Variants in NALF1 observed in about 807,000 individuals in gnomAD.
NALF1 encodes the protein NALCN channel auxiliary factor 1.
NALF1 carries 3 observed loss-of-function variants against 48.4 expected under a neutral mutation model. That is an observed-to-expected ratio of 0.06 (90% CI 0.03 to 0.16). The LOEUF (loss-of-function observed/expected upper bound fraction) is 0.16, where lower values mean the gene tolerates loss of function less well. Among genes scored for constraint, NALF1 ranks in the 10% least tolerant of loss-of-function variants. The pLI is 1.00. For synonymous variants in NALF1, 262 were observed against 245.7 expected (o/e 1.07, Z -0.62); for missense variants, 526 against 571.5 (o/e 0.92, Z 0.81).
At chr13:107,406,283 G>A (rs1191831569) in intron 1 of NALF1, among the ~76,000 whole-genome samples, 2 of 152,008 alleles carry the variant, frequency 1.3e-5, no homozygotes, top group African/African-American at 4.8e-5. Flanking sequence ...CCAATCAAAA[G>A]ACATCAAGTG....
At chr13:107,220,509 C>G (rs1299416409) in intron 1 of NALF1, among the ~76,000 whole-genome samples, 1 of 152,182 alleles carries the variant, frequency 6.6e-6, no homozygotes, top group Admixed American at 6.5e-5. Flanking sequence ...TACCATGAAA[C>G]AGAGGACTGG....
chr13:107,544,216 T>G (rs1197471737), intron 1 of NALF1, among the ~76,000 whole-genome samples: 1 of 152,156 alleles, frequency 6.6e-6, no homozygotes, highest in Non-Finnish European at 1.5e-5. Flanking sequence ...AGAGGTGGGC[T>G]GATGCATGCT....
At chr13:107,822,889 A>T (rs1879398663) in intron 1 of NALF1, among the ~76,000 whole-genome samples, 1 of 152,172 alleles carries the variant, frequency 6.6e-6, no homozygotes, top group Admixed American at 6.5e-5. Context: ...TTAAACCAAA[A>T]ATTCATGGGG....
chr13:107,543,249 G>C (rs1003404228), intron 1 of NALF1, among the ~76,000 whole-genome samples: 1 of 152,042 alleles, frequency 6.6e-6, no homozygotes, highest in Admixed American at 6.6e-5. Context: ...GGTATGTTTA[G>C]CATGGAAACT....
chr13:107,767,933 G>A (rs899033603), intron 1 of NALF1, among the ~76,000 whole-genome samples: 3 of 152,108 alleles, frequency 2.0e-5, no homozygotes, highest in South Asian at 2.1e-4. Flanking sequence ...GTAGAGACAC[G>A]TTGAGAAAGT....
chr13:107,719,839 G>A (rs1340983826), intron 1 of NALF1, among the ~76,000 whole-genome samples: 11 of 152,018 alleles, frequency 7.2e-5, no homozygotes, highest in Admixed American at 7.2e-4. Flanking sequence ...CAGTCTAATG[G>A]GTGCTCCTGG....
chr13:107,533,178 T>A (rs1317562815), intron 1 of NALF1, among the ~76,000 whole-genome samples: 2 of 152,148 alleles, frequency 1.3e-5, no homozygotes, highest in African/African-American at 4.8e-5. Context: ...TTTTTCTCTG[T>A]TTTACATATT....
chr13:107,347,590 A>C (rs1882797642), intron 1 of NALF1, among the ~76,000 whole-genome samples: 1 of 152,222 alleles, frequency 6.6e-6, no homozygotes, highest in African/African-American at 2.4e-5. Flanking sequence ...CAGCCATGTC[A>C]AGTAACAATG....
At chr13:107,302,044 C>T (rs1303080771) in intron 1 of NALF1, among the ~76,000 whole-genome samples, 1 of 152,152 alleles carries the variant, frequency 6.6e-6, no homozygotes, top group Non-Finnish European at 1.5e-5. Context: ...GCTCTTCTCT[C>T]ATAAATGGAT....
rs769733095 is a variant in NALF1, at chr13:107,170,805, A to AGAG, written c.1088-22_1088-20dup. 1.2e-6 allele frequency: 2 copies of AGAG among 1,610,342 alleles called. No individual in the cohort carries two copies. The highest frequency in any genetic ancestry group is 2.7e-5 in the African/African-American group (2 of 74,902). ...TAAAGCCCTGTAGGAAGAAGGAAGT[A>AGAG]GAGTGTCAGCAGGAAGGAAATACAT... On this transcript the variant is annotated intron_variant, in intron 2 of 2. Transcript: ENST00000375915.
At chr13:107,531,707 C>A (rs1316145385) in intron 1 of NALF1, among the ~76,000 whole-genome samples, 1 of 151,662 alleles carries the variant, frequency 6.6e-6, no homozygotes, top group Non-Finnish European at 1.5e-5. Flanking sequence ...GTATTTTTTT[C>A]CACTTTTATC....
At chr13:107,724,155 T>A (rs930182119) in intron 1 of NALF1, among the ~76,000 whole-genome samples, 6 of 152,062 alleles carry the variant, frequency 3.9e-5, no homozygotes, top group Non-Finnish European at 8.8e-5. Context: ...CTGAAGACTA[T>A]TTTTTTACCC....
chr13:107,665,477 T>C (rs968984706), intron 1 of NALF1, among the ~76,000 whole-genome samples: 6 of 152,160 alleles, frequency 3.9e-5, no homozygotes, highest in Non-Finnish European at 8.8e-5. Flanking sequence ...TAGCTTTTGC[T>C]ACAATGAAGC....
chr13:107,837,538 T>C (rs1879930160), intron 1 of NALF1, among the ~76,000 whole-genome samples: 1 of 152,160 alleles, frequency 6.6e-6, no homozygotes, highest in Admixed American at 6.5e-5. Context: ...GGGTGAGTTC[T>C]GTAAGTACAG....
At chr13:107,825,441 A>G (rs1414863725) in intron 1 of NALF1, among the ~76,000 whole-genome samples, 1 of 152,084 alleles carries the variant, frequency 6.6e-6, no homozygotes, top group Non-Finnish European at 1.5e-5. Context: ...GAACGGATGC[A>G]TAATCTGTCA....
At chr13:107,348,786 G>C in intron 1 of NALF1, among the ~76,000 whole-genome samples, 1 of 152,298 alleles carries the variant, frequency 6.6e-6, no homozygotes, top group East Asian at 1.9e-4. Flanking sequence ...TAAATATGTA[G>C]TATAGTTTTA....
intron 1 of NALF1, among the ~76,000 whole-genome samples, chr13:107,264,757 C>T (rs1046851880): frequency 1.3e-5 from 2 of 152,158 alleles, no homozygotes; most frequent in Admixed American, 6.5e-5. Flanking sequence ...ACATATGCAT[C>T]GAATTACATT....
chr13:107,610,707 T>C (rs963308743), intron 1 of NALF1, among the ~76,000 whole-genome samples: 1 of 152,188 alleles, frequency 6.6e-6, no homozygotes, highest in African/African-American at 2.4e-5. Flanking sequence ...TAAGTGGAAA[T>C]GAAACAGAAT....
intron 1 of NALF1, among the ~76,000 whole-genome samples, chr13:107,734,405 A>ACACACACAC (rs796545795): frequency 1.9e-5 from 1 of 52,610 alleles, no homozygotes; most frequent in African/African-American, 4.6e-5. Flanking sequence ...TTCCTTTAAA[A>ACACACACAC]AAAAACACAC....
Sources: allele counts gnomAD v4.1 joint callset (sites outside exome capture counted in the v4.1 genomes callset), GRCh38; gene constraint gnomAD v4.1.1; transcripts MANE v1.5; gene names NCBI Gene and HGNC (gene_info 2026-07-23, HGNC 2026-07-21).